The following LMO7 variants were observed in gnomAD, a reference collection of about 807,000 sequenced individuals.
LMO7 encodes LIM domain 7.
Under a neutral mutation model 206.5 loss-of-function variants are expected in LMO7, and 120 were observed. The ratio of observed to expected loss-of-function variants is 0.58; its 90% confidence interval spans 0.50 to 0.68. The LOEUF (loss-of-function observed/expected upper bound fraction) is 0.68. LMO7 is among the 30% of genes least tolerant of loss of function. The pLI, the probability that LMO7 is intolerant of heterozygous loss-of-function variation, is 0.00. For synonymous variants in LMO7, 706 were observed against 681.5 expected (o/e 1.04, Z -0.56); for missense variants, 1,959 against 1,957.9 (o/e 1.00, Z -0.01).
In LMO7 at chr13:75,807,881, G is replaced by A. The variant is rs767181502; in HGVS notation, c.1598G>A (p.Gly533Glu). Residue 533 changes from glycine to glutamate, a missense_variant, in exon 10 of 31, where the codon GGG becomes GAG. Physicochemically the swap from Gly to Glu is moderately conservative, Grantham distance 98. Coordinates refer to ENST00000377534, the MANE Select transcript of LMO7 (RefSeq NM_001306080.2). ...PAQKKEVPLS[G>E]APDRYHPVPF... The stretch of plus-strand genomic sequence containing the variant: ...CAGAAGAAAGAAGTGCCGCTGTCTG[G>A]GGCCCCAGATAGATACCACCCAGTC... The A allele has an allele frequency of 8.1e-6, 13 of 1,613,886 alleles. No individual in the cohort carries two copies. The South Asian group carries it at 9.9e-5, about 12-fold the overall frequency.
At chr13:75,835,209 C>T in intron 17 of LMO7, 24 bp from the exon 18 acceptor site, 2 of 1,612,116 alleles carry the variant, frequency 1.2e-6, no homozygotes, top group Non-Finnish European at 1.7e-6. Context: ...CTCAATCTCA[C>T]CAGTATGGCT....
At chr13:75,725,286 C>T (rs759779182) in intron 2 of LMO7, among the ~76,000 whole-genome samples, 6 of 152,106 alleles carry the variant, frequency 3.9e-5, no homozygotes, top group Non-Finnish European at 8.8e-5. Flanking sequence ...TACTCTTCCT[C>T]CTGCCAGACT....
chr13:75,735,823 C>G (rs913835729), intron 3 of LMO7, among the ~76,000 whole-genome samples: 1 of 151,688 alleles, frequency 6.6e-6, no homozygotes, highest in Admixed American at 6.6e-5. Flanking sequence ...ATAAAAATGA[C>G]TTATAAAATA....
chr13:75,621,474 A>AAGAATGC (rs1383592411), exon 1 of LMO7: 1 of 280,134 alleles, frequency 3.6e-6, no homozygotes, highest in Non-Finnish European at 6.6e-6. Context: ...CTTGGGGGCA[A>AAGAATGC]AGAATGCTGT....
intron 4 of LMO7, among the ~76,000 whole-genome samples, chr13:75,779,432 A>G (rs767156868): frequency 2.0e-5 from 3 of 152,198 alleles, no homozygotes; most frequent in Non-Finnish European, 4.4e-5. Flanking sequence ...ATTGCAATCA[A>G]TGTAAACTAA....
At chr13:75,675,900 A>C (rs2039969774) in intron 1 of LMO7, among the ~76,000 whole-genome samples, 1 of 76,164 alleles carries the variant, frequency 1.3e-5, no homozygotes, top group South Asian at 3.0e-4. Flanking sequence ...ACACACACAC[A>C]CACACACACA....
intron 1 of LMO7, among the ~76,000 whole-genome samples, chr13:75,660,939 G>A (rs1245592193): frequency 6.6e-6 from 1 of 152,154 alleles, no homozygotes. Flanking sequence ...AATTTAGAAC[G>A]TAGGTAGGAG....
rs150261882 is a variant in LMO7, at chr13:75,844,433, G to A, written c.4098-894G>A. ...TTTTTTTCTTTTTTTTTTTTGAGACGTAGTCTCGCTCTGTCGCCCAGGCTG... is the reference window on the plus strand; with the variant it reads ...TTTTTTTCTTTTTTTTTTTTGAGACATAGTCTCGCTCTGTCGCCCAGGCTG... On this transcript the variant is annotated intron_variant, in intron 25 of 30. Coordinates refer to ENST00000377534, the MANE Select transcript of LMO7 (RefSeq NM_001306080.2). 1.3e-3 allele frequency among the ~76,000 whole-genome samples: 191 copies of A among 144,626 alleles called. 2 individuals carry two copies. The East Asian group carries it at 0.03, about 23-fold the overall frequency. 94.9% of individuals were successfully genotyped at this position (144,626 alleles called of 152,430 possible). A position where few individuals can be genotyped will look rare whatever the true frequency, so the allele number is the denominator to read the frequency against.
Position 75,841,708 on chromosome 13 carries a change from T to C in LMO7, c.3756T>C (p.Ser1252=), listed in dbSNP as rs1181972825. ...PSLATWEATW[S]EGSKSSDREG... is the part of the protein sequence containing the mutation. ...TTGCCACCTGGGAAGCTACCTGGAG[T>C]GAAGGGTCCAAGTCTTCAGACAGAG... is the stretch of plus-strand genomic sequence containing the variant. The change falls in exon 24 of 31, where the codon AGT becomes AGC. Residue 1252 remains serine, a synonymous_variant. Transcript: ENST00000377534. 2 of 1,613,580 alleles carry C rather than the reference T, an allele frequency of 1.2e-6. No homozygotes were observed. The highest frequency in any genetic ancestry group is 2.2e-5 in the South Asian group (2 of 91,034).
intron 20 of LMO7, among the ~76,000 whole-genome samples, chr13:75,839,013 G>T (rs1405680526): frequency 6.6e-6 from 1 of 152,126 alleles, no homozygotes; most frequent in African/African-American, 2.4e-5. Context: ...GTTTACAAAC[G>T]TGCCTTATAA....
intron 6 of LMO7, among the ~76,000 whole-genome samples, chr13:75,798,774 AG>A (rs2054352897): frequency 6.6e-6 from 1 of 152,216 alleles, no homozygotes; most frequent in South Asian, 2.1e-4. Context: ...TCATCTTGGA[AG>A]TTGGAGGTGA....
intron 25 of LMO7, among the ~76,000 whole-genome samples, chr13:75,844,647 G>A (rs2059842950): frequency 6.6e-6 from 1 of 152,002 alleles, no homozygotes; most frequent in African/African-American, 2.4e-5. Flanking sequence ...GACCTCAAGT[G>A]ATCCTCCCGC....
At chr13:75,725,513 C>G (rs1466310321) in intron 2 of LMO7, among the ~76,000 whole-genome samples, 1 of 152,058 alleles carries the variant, frequency 6.6e-6, no homozygotes, top group Middle Eastern at 3.2e-3. Context: ...CCACCAGTAA[C>G]AGAAATATAG....
At chr13:75,650,161 C>T (rs1481319320) in intron 1 of LMO7, among the ~76,000 whole-genome samples, 9 of 151,634 alleles carry the variant, frequency 5.9e-5, no homozygotes, top group African/African-American at 1.7e-4. Context: ...GATGGAGTCT[C>T]GCTCTGTCGC....
At chr13:75,758,503 G>A (rs2047872754) in intron 3 of LMO7, among the ~76,000 whole-genome samples, 1 of 152,108 alleles carries the variant, frequency 6.6e-6, no homozygotes, top group East Asian at 1.9e-4. Flanking sequence ...CTTGAGCATC[G>A]TTGAATGATT....
intron 1 of LMO7, among the ~76,000 whole-genome samples, chr13:75,696,083 G>A (rs1436017688): frequency 7.9e-5 from 12 of 152,210 alleles, no homozygotes; most frequent in Admixed American, 2.0e-4. Context: ...CTGGCCGGGC[G>A]CTGTGGCTCA....
At chr13:75,735,053 A>G (rs534447792) in intron 3 of LMO7, among the ~76,000 whole-genome samples, 2 of 151,412 alleles carry the variant, frequency 1.3e-5, no homozygotes, top group Admixed American at 6.6e-5. Flanking sequence ...AGCCGAGATC[A>G]CGCCACTGAA....
chr13:75,680,261 G>T (rs1412260419), intron 1 of LMO7, among the ~76,000 whole-genome samples: 1 of 152,218 alleles, frequency 6.6e-6, no homozygotes, highest in Non-Finnish European at 1.5e-5. Context: ...GTATTCCATG[G>T]TGTATATGTA....
chr13:75,698,798 T>G (rs1265814162), intron 1 of LMO7, among the ~76,000 whole-genome samples: 1 of 152,104 alleles, frequency 6.6e-6, no homozygotes, highest in African/African-American at 2.4e-5. Flanking sequence ...TCAAATAAAT[T>G]TTTTAAAAAA....
Sources: gnomAD v4.1 joint callset for allele counts (sites outside exome capture counted in the v4.1 genomes callset) on GRCh38, gnomAD v4.1.1 for gene constraint, MANE v1.5 for transcripts, NCBI Gene and HGNC (gene_info 2026-07-23, HGNC 2026-07-21) for gene names.